Variants in CREM observed in about 807,000 individuals in gnomAD.
CREM encodes the protein cAMP-responsive element modulator.
CREM carries 13 observed loss-of-function variants against 37.3 expected under a neutral mutation model. The ratio of observed to expected loss-of-function variants is 0.35; its 90% confidence interval spans 0.23 to 0.55. The LOEUF (loss-of-function observed/expected upper bound fraction) is 0.55, where lower values mean the gene tolerates loss of function less well. Among genes scored for constraint, CREM ranks in the 20% least tolerant of loss-of-function variants. The pLI, the probability that CREM is intolerant of heterozygous loss-of-function variation, is 0.88. For missense variants in CREM, 296 were observed against 362.3 expected, an observed-to-expected ratio of 0.82 and a Z score of 1.49; for synonymous variants, 124 against 120.2, an observed-to-expected ratio of 1.03 and a Z score of -0.21.
At chr10:35,169,562 T>C (rs1326649573) in intron 3 of CREM, among the ~76,000 whole-genome samples, 1 of 152,208 alleles carries the variant, frequency 6.6e-6, no homozygotes, top group African/African-American at 2.4e-5. Context: ...TGACTTCCTC[T>C]TTTCCTAATT....
At chr10:35,207,472 AAAAAT>A (rs1240847268) in intron 7 of CREM, among the ~76,000 whole-genome samples, 2 of 149,500 alleles carry the variant, frequency 1.3e-5, no homozygotes, top group Non-Finnish European at 3.0e-5. Flanking sequence ...AAATAAAAAT[AAAAAT>A]AAAAATTACA....
At chr10:35,162,689 A>G (rs1439620968) in intron 3 of CREM, among the ~76,000 whole-genome samples, 1 of 152,132 alleles carries the variant, frequency 6.6e-6, no homozygotes, top group Non-Finnish European at 1.5e-5. Flanking sequence ...CTTTACAAAG[A>G]AGGAGTCCAG....
intron 1 of CREM, among the ~76,000 whole-genome samples, chr10:35,129,135 A>G (rs2088796783): frequency 6.6e-6 from 1 of 152,226 alleles, no homozygotes; most frequent in African/African-American, 2.4e-5. Flanking sequence ...TTCCCAGTGA[A>G]TTGGTGATGG....
At position 35,137,767 on chromosome 10, in the gene CREM, A is replaced by G. The variant is rs1589273758; in HGVS notation, c.-54-15A>G. The G allele has an allele frequency of 1.6e-6, 2 of 1,247,092 alleles. No homozygotes were observed. Among genetic ancestry groups the G allele is most frequent in the Non-Finnish European group, 2.2e-6 (2 of 900,762 alleles). 77.3% of individuals were successfully genotyped at this position (1,247,092 alleles called of 1,614,324 possible). ...TGTTACGATCTCCCAATTCAACATT[A>G]TAATTTTACTGCAGGATAAATAAAG... On this transcript the variant is annotated splice_polypyrimidine_tract_variant and intron_variant, in intron 1 of 7. Transcript: ENST00000685392.
intron 2 of CREM, among the ~76,000 whole-genome samples, chr10:35,142,243 G>T (rs764118486): frequency 2.0e-5 from 3 of 152,204 alleles, no homozygotes; most frequent in Non-Finnish European, 4.4e-5. Context: ...ACGTGAATGT[G>T]TTTAAGTCTT....
At position 35,127,065 on chromosome 10, in the gene CREM, TG is replaced by T. The variant is rs2087900303; in HGVS notation, c.-179del. 6.6e-6 allele frequency: 1 copy of T among 152,510 alleles called. No individual in the cohort carries two copies. Among genetic ancestry groups the T allele is most frequent in the African/African-American group, 2.4e-5 (1 of 41,374 alleles). 9.4% of individuals were successfully genotyped at this position (152,510 alleles called of 1,614,324 possible). ...CATCACAGCTGACGTGAGGACTACGTGGGGCCGCTGCCGGCTCCGGGTTGCT... is the reference window on the plus strand; with the variant it reads ...CATCACAGCTGACGTGAGGACTACGTGGGCCGCTGCCGGCTCCGGGTTGCT... On this transcript the variant is annotated 5_prime_UTR_variant, in exon 1 of 8. Coordinates refer to ENST00000685392, the MANE Select transcript of CREM (RefSeq NM_183011.2).
chr10:35,127,342 G>T (rs1440584445), intron 1 of CREM, 149 bp downstream of exon 1: 3 of 152,238 alleles, frequency 2.0e-5, no homozygotes, highest in African/African-American at 7.2e-5. Context: ...GGGACCCCGG[G>T]GCCGGGCCAA....
intron 2 of CREM, among the ~76,000 whole-genome samples, chr10:35,146,738 T>C (rs1400424847): frequency 6.6e-6 from 1 of 152,216 alleles, no homozygotes; most frequent in Non-Finnish European, 1.5e-5. Context: ...TGGTCAGTTA[T>C]AAGTATTAAA....
At chr10:35,201,294 T>G (rs916487933) in intron 6 of CREM, among the ~76,000 whole-genome samples, 11 of 152,180 alleles carry the variant, frequency 7.2e-5, no homozygotes, top group Admixed American at 2.6e-4. Flanking sequence ...TAAGCATAAC[T>G]TGGAACGTTG....
intron 3 of CREM, among the ~76,000 whole-genome samples, chr10:35,177,595 G>A (rs1235315032): frequency 7.2e-5 from 11 of 152,176 alleles, no homozygotes; most frequent in East Asian, 3.8e-4. Flanking sequence ...CACAGCACCC[G>A]GCTGAAAGAA....
At chr10:35,153,726 C>G (rs2092729710) in intron 3 of CREM, among the ~76,000 whole-genome samples, 1 of 152,104 alleles carries the variant, frequency 6.6e-6, no homozygotes, top group African/African-American at 2.4e-5. Flanking sequence ...GACTACTTCT[C>G]AAGGTTTCAG....
intron 6 of CREM, among the ~76,000 whole-genome samples, chr10:35,194,442 A>G (rs927061386): frequency 3.1e-4 from 47 of 152,216 alleles, no homozygotes; most frequent in Admixed American, 3.0e-3. Flanking sequence ...TGAAACTGCT[A>G]TTTTTGTAGG....
chr10:35,200,917 G>A (rs899248156), intron 6 of CREM, among the ~76,000 whole-genome samples: 1 of 151,940 alleles, frequency 6.6e-6, no homozygotes, highest in Non-Finnish European at 1.5e-5. Flanking sequence ...TTGAGAAATC[G>A]TTTCACTTTG....
chr10:35,149,889 A>AACACACAAACAC (rs1554890906), intron 3 of CREM, among the ~76,000 whole-genome samples: 1 of 111,830 alleles, frequency 8.9e-6, no homozygotes, highest in Non-Finnish European at 1.8e-5. Context: ...CTTTTGCTTA[A>AACACACAAACAC]ACACACACAC....
intron 5 of CREM, among the ~76,000 whole-genome samples, chr10:35,181,829 C>T (rs765684669): frequency 6.6e-6 from 1 of 152,178 alleles, no homozygotes; most frequent in Non-Finnish European, 1.5e-5. Flanking sequence ...GTTATGATTG[C>T]ACCACTGCAC....
chr10:35,152,047 C>T (rs2092633556), intron 3 of CREM, among the ~76,000 whole-genome samples: 1 of 152,174 alleles, frequency 6.6e-6, no homozygotes, highest in Non-Finnish European at 1.5e-5. Flanking sequence ...TATTTACTTG[C>T]CACTTGTCTC....
chr10:35,168,775 C>T (rs147220331), intron 3 of CREM, among the ~76,000 whole-genome samples: 7 of 152,104 alleles, frequency 4.6e-5, no homozygotes, highest in Non-Finnish European at 1.0e-4. Context: ...AATTTTTGTA[C>T]AAGGTGTAAG....
At chr10:35,137,931 G>T (rs773125017) in intron 2 of CREM, 52 bp downstream of exon 2, 6 of 1,437,470 alleles carry the variant, frequency 4.2e-6, no homozygotes, top group Non-Finnish European at 5.7e-6. Flanking sequence ...TTAGCTTAAA[G>T]TTCATGATGA....
chr10:35,190,812 C>T (rs1356270141), intron 6 of CREM, among the ~76,000 whole-genome samples: 1 of 152,064 alleles, frequency 6.6e-6, no homozygotes, highest in Non-Finnish European at 1.5e-5. Flanking sequence ...CAGGCGCCTG[C>T]CACCATGTCC....
Sources: gnomAD v4.1 joint callset for allele counts (sites outside exome capture counted in the v4.1 genomes callset) on GRCh38, gnomAD v4.1.1 for gene constraint, MANE v1.5 for transcripts, NCBI Gene and HGNC (gene_info 2026-07-23, HGNC 2026-07-21) for gene names.